BMPER: variants seen among roughly 807,000 people sequenced by gnomAD.
BMPER encodes BMP-binding endothelial regulator protein.
Under a neutral mutation model 87.3 loss-of-function variants are expected in BMPER, and 45 were observed. The observed-to-expected ratio is 0.52, with a 90% confidence interval of 0.41 to 0.66. BMPER has a LOEUF of 0.66. BMPER is among the 30% of genes least tolerant of loss of function. The pLI is 0.00. For missense variants in BMPER, 784 were observed against 867.5 expected (o/e 0.90, Z 1.21); for synonymous variants, 326 against 316.2 (o/e 1.03, Z -0.33).
Position 34,085,749 on chromosome 7 carries a change from C to T in BMPER, c.1409-7C>T, listed in dbSNP as rs1439286223. The T allele has an allele frequency of 1.9e-6, 3 of 1,611,184 alleles. No homozygotes were observed. Among genetic ancestry groups the T allele is most frequent in the Admixed American group, 1.7e-5 (1 of 59,962 alleles). ...ATTGATTTCCTTTTCCTCTCCTCCTCCTCTAGGTTTGGAAATATCTTGGGA... is the reference window on the plus strand; with the variant it reads ...ATTGATTTCCTTTTCCTCTCCTCCTTCTCTAGGTTTGGAAATATCTTGGGA... On this transcript the variant is annotated splice_region_variant and splice_polypyrimidine_tract_variant and intron_variant, in intron 12 of 14. Coordinates refer to ENST00000649409, the MANE Select transcript of BMPER (RefSeq NM_001365308.1).
chr7:34,100,021 C>T (rs893463774), intron 13 of BMPER, among the ~76,000 whole-genome samples: 2 of 151,930 alleles, frequency 1.3e-5, no homozygotes, highest in Admixed American at 6.6e-5. Context: ...CAGTGGACAC[C>T]AGGTCAAGAA....
At chr7:33,982,497 ATTGAAAAAAAAAAAAAAGT>A (rs1785891335) in intron 6 of BMPER, among the ~76,000 whole-genome samples, 1 of 151,746 alleles carries the variant, frequency 6.6e-6, no homozygotes, top group Non-Finnish European at 1.5e-5. Context: ...TGAACAGTCA[ATTGAAAAAAAAAAAAAAGT>A]TTTCTTAAAG....
chr7:34,028,601 G>GTTTTTTTTTTTTTTTTTCT (rs1787428033), intron 6 of BMPER, among the ~76,000 whole-genome samples: 1 of 36,054 alleles, frequency 2.8e-5, no homozygotes, highest in African/African-American at 8.8e-5. Flanking sequence ...CATTTTTTCT[G>GTTTTTTTTTTTTTTTTTCT]TTTTTTTTTT....
At chr7:33,936,582 A>G (rs910060595) in intron 2 of BMPER, among the ~76,000 whole-genome samples, 1 of 152,242 alleles carries the variant, frequency 6.6e-6, no homozygotes, top group African/African-American at 2.4e-5. Flanking sequence ...CATACAATCC[A>G]TATACAAACA....
At chr7:34,038,909 C>T (rs1787758695) in intron 6 of BMPER, among the ~76,000 whole-genome samples, 1 of 152,160 alleles carries the variant, frequency 6.6e-6, no homozygotes, top group African/African-American at 2.4e-5. Flanking sequence ...TTCCAAGATC[C>T]TCACAAATTT....
chr7:34,046,437 G>T (rs1296979152), intron 7 of BMPER, 32 bp downstream of exon 7: 1 of 1,590,748 alleles, frequency 6.3e-7, no homozygotes, highest in Non-Finnish European at 8.6e-7. Flanking sequence ...AAAGAACAAT[G>T]TAATTTCTTC....
At chr7:34,044,133 T>C (rs938900767) in intron 6 of BMPER, among the ~76,000 whole-genome samples, 1 of 152,164 alleles carries the variant, frequency 6.6e-6, no homozygotes, top group East Asian at 1.9e-4. Flanking sequence ...CAAACCCAGA[T>C]TGGAGTTCAA....
At chr7:33,943,782 C>T (rs566150953) in intron 3 of BMPER, among the ~76,000 whole-genome samples, 6 of 152,270 alleles carry the variant, frequency 3.9e-5, no homozygotes, top group South Asian at 4.1e-4. Context: ...TTCCATCTAA[C>T]GGATTCCCCC....
intron 3 of BMPER, among the ~76,000 whole-genome samples, chr7:33,938,162 C>T (rs1421917044): frequency 6.6e-6 from 1 of 152,168 alleles, no homozygotes; most frequent in African/African-American, 2.4e-5. Context: ...GGGGATTTCA[C>T]ACCGTGTATG....
chr7:33,966,466 G>T lies in BMPER; in HGVS notation c.320-13G>T, dbSNP rs1383187183. On this transcript the variant is annotated splice_polypyrimidine_tract_variant and intron_variant, in intron 3 of 14. Coordinates refer to ENST00000649409, the MANE Select transcript of BMPER (RefSeq NM_001365308.1). ...TCTTGGCCTTTCTTCCTGCTTCTGT[G>T]TCTCCTGTCTAGGTTGCACCTATGA... 6.2e-7 allele frequency: 1 copy of T among 1,611,086 alleles called. No homozygotes were observed. The highest frequency in any genetic ancestry group is 8.5e-7 in the Non-Finnish European group (1 of 1,177,376).
chr7:34,143,878 G>C (rs10951407), intron 14 of BMPER, among the ~76,000 whole-genome samples: 119,985 of 152,160 alleles, frequency 0.79, 47,585 homozygotes, highest in East Asian at 0.95. Flanking sequence ...CTTTATTCAT[G>C]CAATAAATAT....
chr7:34,091,087 T>A (rs752060414), intron 13 of BMPER, among the ~76,000 whole-genome samples: 1 of 152,144 alleles, frequency 6.6e-6, no homozygotes, highest in African/African-American at 2.4e-5. Context: ...TGACAGGACC[T>A]TCGTGTTGGA....
At chr7:33,932,231 CA>C (rs1428764867) in intron 2 of BMPER, among the ~76,000 whole-genome samples, 8 of 152,176 alleles carry the variant, frequency 5.3e-5, no homozygotes, top group African/African-American at 1.7e-4. Flanking sequence ...TTGAAGGCAG[CA>C]AAATCTGTAA....
At chr7:33,905,438 T>TCCCCCCCCCCCCCCCCC, upstream of BMPER, 3 of 23,006 alleles carry the variant, frequency 1.3e-4, no homozygotes, top group South Asian at 4.7e-4. Flanking sequence ...CCTTGGTCTC[T>TCCCCCCCCCCCCCCCCC]CCCCCCGCCC....
intron 13 of BMPER, among the ~76,000 whole-genome samples, chr7:34,138,456 C>T (rs1359257037): frequency 2.6e-5 from 4 of 152,178 alleles, no homozygotes; most frequent in African/African-American, 9.7e-5. Flanking sequence ...GTGCCAGCTC[C>T]CTGGGCCCCT....
chr7:34,046,372 A>G lies in BMPER; in HGVS notation c.643A>G (p.Ile215Val), dbSNP rs1186094200. The change falls in exon 7 of 15, where the codon ATA becomes GTA. Residue 215 changes from isoleucine (I) to valine (V), a missense_variant. Coordinates refer to ENST00000649409, the MANE Select transcript of BMPER (RefSeq NM_001365308.1). ...CTCCTGTCCCCAGCACCTTAGTCACATACCCCCAGGACAGTGCTGCCCCAA... is the reference window on the plus strand; with the variant it reads ...CTCCTGTCCCCAGCACCTTAGTCACGTACCCCCAGGACAGTGCTGCCCCAA... ...ILSCPQHLSH[I>V]PPGQCCPKCL... 1 of 1,614,068 alleles carries G rather than the reference A, an allele frequency of 6.2e-7. No homozygotes were observed. The highest frequency in any genetic ancestry group is 8.5e-7 in the Non-Finnish European group (1 of 1,179,960).
chr7:34,102,579 G>T (rs1789710110), intron 13 of BMPER, among the ~76,000 whole-genome samples: 1 of 152,160 alleles, frequency 6.6e-6, no homozygotes, highest in Non-Finnish European at 1.5e-5. Flanking sequence ...TGGAAGAGAG[G>T]TGTTCTTCCC....
intron 6 of BMPER, among the ~76,000 whole-genome samples, chr7:34,014,214 C>T (rs1007437618): frequency 6.6e-6 from 1 of 151,862 alleles, no homozygotes; most frequent in African/African-American, 2.4e-5. Context: ...CTGTTTTCTT[C>T]CCTCTTTAAT....
chr7:33,989,751 C>T (rs1009759246), intron 6 of BMPER, among the ~76,000 whole-genome samples: 42 of 152,200 alleles, frequency 2.8e-4, no homozygotes, highest in African/African-American at 1.0e-3. Flanking sequence ...GGTTTTAGGT[C>T]TAACGTTTAA....
Sources: allele counts gnomAD v4.1 joint callset (sites outside exome capture counted in the v4.1 genomes callset), GRCh38; gene constraint gnomAD v4.1.1; transcripts MANE v1.5; gene names NCBI Gene and HGNC (gene_info 2026-07-23, HGNC 2026-07-21).